The following DLG2 variants were observed in gnomAD, a reference collection of about 807,000 sequenced individuals.
The protein encoded by DLG2 is disks large homolog 2.
Under a neutral mutation model 132.5 loss-of-function variants are expected in DLG2, and 45 were observed. The observed-to-expected ratio is 0.34, with a 90% confidence interval of 0.27 to 0.44. DLG2 has a LOEUF of 0.44. Among genes scored for constraint, DLG2 ranks in the 20% least tolerant of loss-of-function variants. The probability of loss-of-function intolerance (pLI) is 1.00; values close to 1 mark genes in which losing one functional copy is unlikely to be tolerated. For missense variants in DLG2, 1,045 were observed against 1,196.9 expected, an observed-to-expected ratio of 0.87 and a Z score of 1.87; for synonymous variants, 424 against 419.6, an observed-to-expected ratio of 1.01 and a Z score of -0.13.
intron 7 of DLG2, among the ~76,000 whole-genome samples, chr11:84,268,314 C>T (rs986472395): frequency 2.0e-5 from 3 of 152,142 alleles, no homozygotes; most frequent in Non-Finnish European, 2.9e-5. Context: ...CCTAATCACA[C>T]TGCAATATAG....
chr11:85,501,705 A>G (rs947363786), intron 3 of DLG2, among the ~76,000 whole-genome samples: 28 of 151,602 alleles, frequency 1.8e-4, no homozygotes, highest in Admixed American at 1.5e-3. Context: ...AATGCAAATC[A>G]AAACCACAAT....
intron 15 of DLG2, among the ~76,000 whole-genome samples, chr11:83,926,197 CT>C (rs2078950201): frequency 6.6e-6 from 1 of 152,172 alleles, no homozygotes; most frequent in Non-Finnish European, 1.5e-5. Context: ...GAGCTGAGAA[CT>C]TGGGTATTCC....
chr11:84,182,789 G>A (rs911165059), intron 8 of DLG2, among the ~76,000 whole-genome samples: 2 of 151,886 alleles, frequency 1.3e-5, no homozygotes, highest in African/African-American at 4.8e-5. Flanking sequence ...AATCAGTATA[G>A]AAAATCAACA....
rs1260883958 is a variant in DLG2 at position 84,663,245 on chromosome 11, A to AT, written c.358-128515dup. On this transcript the variant is annotated intron_variant, in intron 6 of 27. Coordinates refer to ENST00000376104, the MANE Select transcript of DLG2 (RefSeq NM_001142699.3). ...CTTTACAGGTTATATATATATATAT[A>AT]TATATTTTTTTTTCATATATTCTGC... 2.4e-3 allele frequency among the ~76,000 whole-genome samples: 143 copies of AT among 59,354 alleles called. 2 individuals are homozygous for AT. Among genetic ancestry groups the AT allele is most frequent in the South Asian group, 0.011 (26 of 2,432 alleles). 38.9% of individuals were successfully genotyped at this position (59,354 alleles called of 152,430 possible). A position where few individuals can be genotyped will look rare whatever the true frequency, so the allele number is the denominator to read the frequency against.
chr11:85,354,546 AT>A (rs1018748583), intron 3 of DLG2, among the ~76,000 whole-genome samples: 1 of 151,966 alleles, frequency 6.6e-6, no homozygotes, highest in African/African-American at 2.4e-5. Flanking sequence ...GAAGGAGCCA[AT>A]ACATTTTTTT....
intron 6 of DLG2, among the ~76,000 whole-genome samples, chr11:84,802,958 C>G (rs994335874): frequency 1.3e-5 from 2 of 152,074 alleles, no homozygotes; most frequent in African/African-American, 4.8e-5. Flanking sequence ...TACCACCACA[C>G]CTGGCTAATT....
chr11:84,777,823 G>A (rs1412097221), intron 6 of DLG2, among the ~76,000 whole-genome samples: 1 of 151,908 alleles, frequency 6.6e-6, no homozygotes, highest in East Asian at 1.9e-4. Context: ...TTGTTCAGTT[G>A]TTTGAGTTCC....
chr11:84,275,229 GA>G (rs1375192707), intron 7 of DLG2, among the ~76,000 whole-genome samples: 1 of 151,936 alleles, frequency 6.6e-6, no homozygotes, highest in African/African-American at 2.4e-5. Flanking sequence ...AGTTTTTGGG[GA>G]AAAAAAGGTA....
chr11:84,094,444 C>T (rs951116189), intron 10 of DLG2, among the ~76,000 whole-genome samples: 2 of 152,060 alleles, frequency 1.3e-5, no homozygotes, highest in Admixed American at 6.5e-5. Context: ...TTTCTGTGGA[C>T]CTTAGTTTCT....
intron 8 of DLG2, among the ~76,000 whole-genome samples, chr11:84,214,244 T>TATATATAC (rs1168519252): frequency 7.2e-6 from 1 of 137,982 alleles, no homozygotes; most frequent in African/African-American, 3.1e-5. Flanking sequence ...TATATGAATA[T>TATATATAC]ATATATACAT....
intron 6 of DLG2, among the ~76,000 whole-genome samples, chr11:84,803,882 C>A (rs1386820604): frequency 6.6e-6 from 1 of 152,146 alleles, no homozygotes; most frequent in East Asian, 1.9e-4. Flanking sequence ...CCTAGGCTAT[C>A]CTGTTCTGCT....
chr11:83,655,648 T>A (rs1006453147), intron 18 of DLG2, among the ~76,000 whole-genome samples: 5 of 152,224 alleles, frequency 3.3e-5, no homozygotes, highest in African/African-American at 9.6e-5. Context: ...TTTGATTTTA[T>A]CATTTACATT....
intron 7 of DLG2, among the ~76,000 whole-genome samples, chr11:84,323,026 T>C (rs1313993634): frequency 1.3e-5 from 2 of 152,148 alleles, no homozygotes; most frequent in Non-Finnish European, 2.9e-5. Flanking sequence ...GTATTTTCTT[T>C]AGTTTTTTTT....
At chr11:85,549,387 A>G (rs952931217) in intron 3 of DLG2, among the ~76,000 whole-genome samples, 1 of 152,118 alleles carries the variant, frequency 6.6e-6, no homozygotes, top group Admixed American at 6.5e-5. Flanking sequence ...TTCTGCATCA[A>G]TCTCACCAGG....
At position 83,626,879 on chromosome 11, in the gene DLG2, G is replaced by T. The variant is rs2062628158; in HGVS notation, c.1940+6332C>A. ...TGAGTTGACAGAGCTGAGCATTCTG[G>T]AGCCATGGAATGCTGGCCATCTCCT... On this transcript the variant is annotated intron_variant, in intron 19 of 27. Transcript: ENST00000376104. 3.3e-5 allele frequency among the ~76,000 whole-genome samples: 5 copies of T among 152,130 alleles called. No individual in the cohort carries two copies. In the South Asian group the frequency reaches 1.0e-3, roughly 32 times the overall value.
At chr11:85,447,251 T>C (rs182930049) in intron 3 of DLG2, among the ~76,000 whole-genome samples, 5 of 152,302 alleles carry the variant, frequency 3.3e-5, no homozygotes, top group Admixed American at 1.3e-4. Flanking sequence ...AAGAATACTA[T>C]GATGAAAAAC....
intron 7 of DLG2, among the ~76,000 whole-genome samples, chr11:84,473,155 T>G (rs1300234524): frequency 6.6e-6 from 1 of 152,016 alleles, no homozygotes; most frequent in East Asian, 1.9e-4. Context: ...AAATTTTCTT[T>G]TCTGACTCCT....
intron 7 of DLG2, among the ~76,000 whole-genome samples, chr11:84,496,359 G>T (rs1189052281): frequency 6.6e-6 from 1 of 152,112 alleles, no homozygotes. Context: ...GAGAGACAAA[G>T]CATCTGAGTT....
intron 14 of DLG2, among the ~76,000 whole-genome samples, chr11:83,957,457 T>C (rs2087174670): frequency 6.6e-6 from 1 of 152,084 alleles, no homozygotes; most frequent in African/African-American, 2.4e-5. Flanking sequence ...TCTCTATTCC[T>C]CTTCTCTTCC....
Sources: allele counts gnomAD v4.1 joint callset (sites outside exome capture counted in the v4.1 genomes callset), GRCh38; gene constraint gnomAD v4.1.1; transcripts MANE v1.5; gene names NCBI Gene and HGNC (gene_info 2026-07-23, HGNC 2026-07-21).